Variants in HEATR1 observed in about 807,000 individuals in gnomAD.
HEATR1 encodes HEAT repeat containing 1.
A neutral mutation model predicts 248.2 loss-of-function variants in HEATR1; 77 were observed. The observed-to-expected ratio is 0.31, with a 90% CI of 0.26 to 0.37. The LOEUF is 0.37. Among genes scored for constraint, HEATR1 ranks in the 10% least tolerant of loss-of-function variants. The pLI, the probability that HEATR1 is intolerant of heterozygous loss-of-function variation, is 1.00. For synonymous variants in HEATR1, 897 were observed against 923.1 expected (o/e 0.97, Z 0.51); for missense variants, 2,420 against 2,504.9 (o/e 0.97, Z 0.72).
At chr1:236,576,126 C>T (rs2103137656) in intron 22 of HEATR1, 93 bp downstream of exon 22, 1 of 951,160 alleles carries the variant, frequency 1.1e-6, no homozygotes, top group Non-Finnish European at 1.5e-6. Flanking sequence ...CGCACACATG[C>T]AACTCTTACA....
chr1:236,569,963 T>C (rs909068901), intron 28 of HEATR1, among the ~76,000 whole-genome samples: 3 of 152,128 alleles, frequency 2.0e-5, no homozygotes, highest in African/African-American at 7.2e-5. Context: ...GGAATACGGA[T>C]TCAAGCTTCA....
At chr1:236,571,875 A>G (rs184192492) in intron 26 of HEATR1, among the ~76,000 whole-genome samples, 189 bp from the exon 27 acceptor site, 1 of 152,306 alleles carries the variant, frequency 6.6e-6, no homozygotes, top group Admixed American at 6.5e-5. Flanking sequence ...TCTCTCATAT[A>G]GACAGGCGCT....
rs916609050 is a variant in HEATR1 at position 236,584,568 on chromosome 1, T to C, written c.2241+457A>G. ...GTCAAATGTAAACAGCTGAAACATG[T>C]CCTTTAGTAATACTATGAAAGACAG... is the stretch of plus-strand genomic sequence containing the variant. On this transcript the variant is annotated intron_variant, in intron 17 of 44. Coordinates refer to ENST00000366582, the MANE Select transcript of HEATR1 (RefSeq NM_018072.6). Among the ~76,000 whole-genome samples the C allele has an allele frequency of 4.6e-5, 7 of 152,282 alleles. 1 individual carries two copies. The South Asian group carries it at 1.2e-3, about 27-fold the overall frequency.
rs202084979 is a variant in HEATR1, at chr1:236,555,355, G to A, written c.5864C>T (p.Ala1955Val). ...AGCAAAAGGCTTCACTAAGTGGCCGGCAAACAGAGTAAAAAGCCCTTTCAG... is the reference window on the plus strand; with the variant it reads ...AGCAAAAGGCTTCACTAAGTGGCCGACAAACAGAGTAAAAAGCCCTTTCAG... ...EKLKGLFTLF[A>V]GHLVKPFADT... The change falls in exon 41 of 45, where the codon GCC becomes GTC. Residue 1955 changes from alanine to valine, a missense_variant. By Grantham distance (64) the Ala-to-Val change is moderately conservative. Transcript: ENST00000366582. 5.0e-6 allele frequency: 8 copies of A among 1,614,088 alleles called. No individual in the cohort carries two copies. In the African/African-American group the frequency reaches 5.3e-5, roughly 11 times the overall value.
intron 13 of HEATR1, 117 bp from the exon 14 acceptor site, chr1:236,587,607 T>C (rs1663929538): frequency 4.2e-6 from 2 of 477,594 alleles, no homozygotes; most frequent in African/African-American, 2.0e-5. Context: ...GGAATCCTAG[T>C]ACAAATTAAA....
Position 236,581,391 on chromosome 1 carries a change from C to T in HEATR1, c.2586G>A (p.Gln862=), listed in dbSNP as rs1456844749. The change falls in exon 20 of 45, where the codon CAG becomes CAA. Residue 862 remains glutamine, a synonymous_variant. Coordinates refer to ENST00000366582, the MANE Select transcript of HEATR1 (RefSeq NM_018072.6). ...FIKVHLEDVF[Q]LFKFCSVLWT... ...ATAAAACAGAACAGAACTTGAATAA[C>T]TGAAAAACATCTTCTAGATGCACCT... 6.5e-7 allele frequency: 1 copy of T among 1,528,174 alleles called. No individual in the cohort carries two copies. The highest frequency in any genetic ancestry group is 2.3e-5 in the Admixed American group (1 of 42,974). The allele number at this position is 1,528,174 out of a possible 1,614,324, so 94.7% of individuals were successfully genotyped here. A position where few individuals can be genotyped will look rare whatever the true frequency, so the allele number is the denominator to read the frequency against.
At chr1:236,557,099 AAACT>A (rs1321591121) in intron 37 of HEATR1, 92 bp downstream of exon 37, 1 of 1,299,994 alleles carries the variant, frequency 7.7e-7, no homozygotes, top group Non-Finnish European at 1.0e-6. Flanking sequence ...TGTCAAACGG[AAACT>A]AACCCTTAAA....
intron 3 of HEATR1, among the ~76,000 whole-genome samples, chr1:236,599,955 C>T (rs554170123): frequency 3.3e-5 from 5 of 151,538 alleles, no homozygotes; most frequent in South Asian, 2.1e-4. Flanking sequence ...TGCAGTGGCA[C>T]GATCACGGGT....
chr1:236,554,465 T>C (rs1662883055), intron 42 of HEATR1, 133 bp downstream of exon 42: 2 of 753,580 alleles, frequency 2.7e-6, no homozygotes, highest in Non-Finnish European at 4.4e-6. Flanking sequence ...ATAAAACATT[T>C]CATTAAAAAG....
intron 17 of HEATR1, 144 bp downstream of exon 17, chr1:236,584,881 G>T: frequency 1.6e-6 from 1 of 606,986 alleles, no homozygotes; most frequent in Non-Finnish European, 2.7e-6. Context: ...CTATCTCACT[G>T]CTACCCAAGA....
intron 9 of HEATR1, 148 bp downstream of exon 9, chr1:236,593,864 C>T (rs886510386): frequency 5.6e-6 from 3 of 539,828 alleles, no homozygotes; most frequent in Non-Finnish European, 9.6e-6. Context: ...CTGCCAGTTA[C>T]TGGATTAAGT....
At chr1:236,558,591 C>T in intron 35 of HEATR1, 62 bp from the exon 36 acceptor site, 1 of 1,492,160 alleles carries the variant, frequency 6.7e-7, no homozygotes, top group South Asian at 1.3e-5. Flanking sequence ...GTCCATTTTC[C>T]CATTGTCACA....
rs146567274 is a variant in HEATR1, at chr1:236,556,235, A to C, written c.5379T>G (p.Thr1793=). ...CCTGTGACGCAGAACCCATTTCACT[A>C]GTGATTTTCTCCAGATGAATCACCT... The part of the protein sequence containing the change: ...LSQVIHLEKI[T]SEMGSASQAN... Residue 1793 remains threonine, a synonymous_variant, in exon 38 of 45, where the codon ACT becomes ACG. Coordinates refer to ENST00000366582, the MANE Select transcript of HEATR1 (RefSeq NM_018072.6). 1.7e-5 allele frequency: 27 copies of C among 1,614,020 alleles called. No individual in the cohort carries two copies. Among genetic ancestry groups the C allele is most frequent in the Non-Finnish European group, 2.3e-5 (27 of 1,180,028 alleles).
Position 236,555,805 on chromosome 1 carries a change from C to T in HEATR1, c.5649G>A (p.Glu1883=). 6.2e-7 allele frequency: 1 copy of T among 1,614,128 alleles called. No individual in the cohort carries two copies. The highest frequency in any genetic ancestry group is 8.5e-7 in the Non-Finnish European group (1 of 1,179,996). The change falls in exon 39 of 45, where the codon GAG becomes GAA. Residue 1883 remains glutamate (E), a splice_region_variant and synonymous_variant. Transcript: ENST00000366582. ...TTTGGAGGAGTGAACCTGAGCTTACCTCAGAGTGCTGGGCTCGGAAGTCCA... is the reference window on the plus strand; with the variant it reads ...TTTGGAGGAGTGAACCTGAGCTTACTTCAGAGTGCTGGGCTCGGAAGTCCA... The part of the protein sequence containing the change: ...EALDFRAQHS[E]NDLEEVGKTE...
At chr1:236,584,811 A>C (rs548906512) in intron 17 of HEATR1, among the ~76,000 whole-genome samples, 1 of 152,208 alleles carries the variant, frequency 6.6e-6, no homozygotes, top group Non-Finnish European at 1.5e-5. Flanking sequence ...AAAATATTGC[A>C]ACCCTAAAAT....
At chr1:236,589,481 G>A (rs1297491340) in intron 12 of HEATR1, among the ~76,000 whole-genome samples, 1 of 136,570 alleles carries the variant, frequency 7.3e-6, no homozygotes, top group East Asian at 2.1e-4. Context: ...TTAAAATATA[G>A]ATGACATAAA....
rs1425417486 is a variant in HEATR1, at chr1:236,554,716, T to C, written c.5960A>G (p.Lys1987Arg). 6.2e-7 allele frequency: 1 copy of C among 1,612,220 alleles called. No individual in the cohort carries two copies. Among genetic ancestry groups the C allele is most frequent in the Non-Finnish European group, 8.5e-7 (1 of 1,179,532 alleles). ...AFFDSENDPE[K>R]CCLLLQFILN... is the part of the protein sequence containing the mutation. ...AATAAACTGCAACAGCAAGCAGCACTTTTCAGGGTCATTTTCAGAGTCAAA... is the reference window on the plus strand; with the variant it reads ...AATAAACTGCAACAGCAAGCAGCACCTTTCAGGGTCATTTTCAGAGTCAAA... Residue 1987 changes from lysine to arginine, a missense_variant, in exon 42 of 45, where the codon AAG becomes AGG. Physicochemically the swap from Lys to Arg is conservative, Grantham distance 26. Coordinates refer to ENST00000366582, the MANE Select transcript of HEATR1 (RefSeq NM_018072.6).
At chr1:236,581,128 T>C (rs1663726423) in intron 20 of HEATR1, 94 bp downstream of exon 20, 2 of 1,139,920 alleles carry the variant, frequency 1.8e-6, no homozygotes, top group African/African-American at 3.1e-5. Flanking sequence ...TCTGCTATTT[T>C]TTTTTAAGTT....
chr1:236,578,686 T>C (rs1663631325), intron 20 of HEATR1, among the ~76,000 whole-genome samples: 1 of 152,210 alleles, frequency 6.6e-6, no homozygotes, highest in Non-Finnish European at 1.5e-5. Context: ...TTTGCGAATA[T>C]TTTCTTTAGG....
Sources: allele counts gnomAD v4.1 joint callset (sites outside exome capture counted in the v4.1 genomes callset), GRCh38; gene constraint gnomAD v4.1.1; transcripts MANE v1.5; gene names NCBI Gene and HGNC (gene_info 2026-07-23, HGNC 2026-07-21).